Variants in RFX3 observed in about 807,000 individuals in gnomAD.
RFX3 encodes regulatory factor X3, also known as transcription factor RFX3.
A neutral mutation model predicts 98.6 loss-of-function variants in RFX3; 14 were observed. That is an observed-to-expected ratio of 0.14 (90% CI 0.09 to 0.22). The LOEUF is 0.22. Among genes scored for constraint, RFX3 ranks in the 10% least tolerant of loss-of-function variants. The pLI, the probability that RFX3 is intolerant of heterozygous loss-of-function variation, is 1.00. For synonymous variants in RFX3, 383 were observed against 328.4 expected (o/e 1.17, Z -1.80); for missense variants, 639 against 926.9 (o/e 0.69, Z 4.03).
chr9:3,342,548 T>C (rs972520937), intron 3 of RFX3, among the ~76,000 whole-genome samples: 1 of 152,198 alleles, frequency 6.6e-6, no homozygotes, highest in African/African-American at 2.4e-5. Flanking sequence ...AAATAAAGAT[T>C]TCTTAATTTG....
intron 3 of RFX3, among the ~76,000 whole-genome samples, chr9:3,334,823 T>A (rs764699241): frequency 1.3e-5 from 2 of 152,116 alleles, no homozygotes; most frequent in Non-Finnish European, 2.9e-5. Context: ...AGGCTGATTA[T>A]AATATCCTTA....
At chr9:3,319,745 T>G (rs934022552) in intron 4 of RFX3, among the ~76,000 whole-genome samples, 2 of 152,054 alleles carry the variant, frequency 1.3e-5, no homozygotes, top group African/African-American at 4.8e-5. Flanking sequence ...TACCTTTCAG[T>G]GCAGGAACTA....
At chr9:3,464,942 A>G (rs1191882509) in intron 1 of RFX3, among the ~76,000 whole-genome samples, 2 of 152,208 alleles carry the variant, frequency 1.3e-5, no homozygotes, top group Admixed American at 1.3e-4. Context: ...TTATCGGTGG[A>G]AAGGTAAGTG....
At chr9:3,280,217 G>C (rs1013885325) in intron 7 of RFX3, among the ~76,000 whole-genome samples, 1 of 151,742 alleles carries the variant, frequency 6.6e-6, no homozygotes, top group Non-Finnish European at 1.5e-5. Flanking sequence ...CCTGGGAAAA[G>C]GTCTAGGGAC....
At chr9:3,296,924 T>C (rs995392918) in intron 5 of RFX3, among the ~76,000 whole-genome samples, 1 of 152,072 alleles carries the variant, frequency 6.6e-6, no homozygotes, top group African/African-American at 2.4e-5. Flanking sequence ...GATTATAATC[T>C]CCATCCTATA....
At chr9:3,331,515 C>T (rs1832598018) in intron 3 of RFX3, among the ~76,000 whole-genome samples, 1 of 152,098 alleles carries the variant, frequency 6.6e-6, no homozygotes, top group Non-Finnish European at 1.5e-5. Context: ...TTCAACGCCA[C>T]CTCCTAAAGC....
In RFX3 at chr9:3,329,407, C is replaced by CAAA. The variant is rs1202028884; in HGVS notation, c.474+849_474+851dup. Among the ~76,000 whole-genome samples, 102 of 37,986 alleles carry CAAA rather than the reference C, an allele frequency of 2.7e-3. 5 individuals carry two copies. Among genetic ancestry groups the CAAA allele is most frequent in the African/African-American group, 4.5e-3 (34 of 7,508 alleles). The allele number at this position is 37,986 out of a possible 152,430, so 24.9% of individuals were successfully genotyped here. On this transcript the variant is annotated intron_variant, in intron 4 of 16. Coordinates refer to ENST00000617270, the MANE Select transcript of RFX3 (RefSeq NM_001282116.2). ...TGGGCCACAGAGTAAGACTTCATCTCAAAAAAAAAAAAAAAAAAAAACAAA... is the reference window on the plus strand; with the variant it reads ...TGGGCCACAGAGTAAGACTTCATCTCAAAAAAAAAAAAAAAAAAAAAAAACAAA...
At chr9:3,357,327 C>T (rs569860267) in intron 2 of RFX3, among the ~76,000 whole-genome samples, 2 of 152,058 alleles carry the variant, frequency 1.3e-5, no homozygotes, top group Non-Finnish European at 2.9e-5. Flanking sequence ...GTTTTCTCTA[C>T]ATAAATTATC....
In RFX3 at chr9:3,225,152, T is replaced by G. The variant is rs1563761643; in HGVS notation, c.2140A>C (p.Thr714Pro). ...TTCAGGAGGCTTGGTTGCACGCCAG[T>G]CTCGAGAACAGGCTGCATGCAGCCC... ...PVGCMQPVLE[T>P]GVQPSLLNPI... The change falls in exon 17 of 17, where the codon ACT (threonine) becomes CCT (proline). Residue 714 changes from threonine to proline, a missense_variant. Physicochemically the swap from Thr to Pro is conservative, Grantham distance 38. Coordinates refer to ENST00000617270, the MANE Select transcript of RFX3 (RefSeq NM_001282116.2). The G allele has an allele frequency of 6.2e-7, 1 of 1,613,982 alleles. No individual in the cohort carries two copies. The highest frequency in any genetic ancestry group is 2.2e-5 in the East Asian group (1 of 44,866).
intron 15 of RFX3, chr9:3,247,755 G>A: frequency 6.4e-7 from 1 of 1,564,254 alleles, no homozygotes; most frequent in Non-Finnish European, 8.6e-7. Flanking sequence ...TATTCCAGTG[G>A]TTCTCAAGTT....
rs375507034 is a variant in RFX3 at position 3,416,617 on chromosome 9, T to G, written c.-8-21021A>C. ...CCATTGTCCCTGGTGCTGTTGAGAA[T>G]CACTGGCTTTTCTTACCCTATACAT... On this transcript the variant is annotated intron_variant, in intron 1 of 16. Coordinates refer to ENST00000617270, the MANE Select transcript of RFX3 (RefSeq NM_001282116.2). Among the ~76,000 whole-genome samples, 35 of 152,326 alleles carry G rather than the reference T, an allele frequency of 2.3e-4. 2 individuals carry two copies. The highest frequency in any genetic ancestry group is 6.8e-3 in the Middle Eastern group (2 of 294).
At chr9:3,400,806 A>T (rs1841403857) in intron 1 of RFX3, among the ~76,000 whole-genome samples, 1 of 152,230 alleles carries the variant, frequency 6.6e-6, no homozygotes, top group Admixed American at 6.5e-5. Flanking sequence ...TCTTCAGAAG[A>T]ACCCCCTGAT....
chr9:3,285,093 T>G (rs1438460004), intron 7 of RFX3, among the ~76,000 whole-genome samples: 2 of 151,750 alleles, frequency 1.3e-5, no homozygotes, highest in African/African-American at 4.8e-5. Flanking sequence ...ACAATTGAGC[T>G]CCAAAAGTTA....
intron 2 of RFX3, among the ~76,000 whole-genome samples, chr9:3,347,401 A>G (rs1834566856): frequency 6.6e-6 from 1 of 152,186 alleles, no homozygotes; most frequent in Admixed American, 6.5e-5. Flanking sequence ...ATTTTTTTAA[A>G]TTAAGAACAA....
intron 1 of RFX3, among the ~76,000 whole-genome samples, chr9:3,493,555 G>A (rs1042740280): frequency 1.3e-5 from 2 of 151,224 alleles, no homozygotes; most frequent in Admixed American, 1.3e-4. Flanking sequence ...GTGGTGGCAC[G>A]CGCCTGTATT....
intron 12 of RFX3, among the ~76,000 whole-genome samples, chr9:3,265,307 C>A (rs1823482419): frequency 6.6e-6 from 1 of 152,134 alleles, no homozygotes; most frequent in Admixed American, 6.6e-5. Flanking sequence ...AATATGGGCA[C>A]ATCAATGAAA....
chr9:3,277,532 C>T, intron 7 of RFX3, 71 bp from the exon 8 acceptor site: 1 of 1,339,422 alleles, frequency 7.5e-7, no homozygotes, highest in Non-Finnish European at 1.1e-6. Flanking sequence ...CCCGAAACTC[C>T]CAAAGCATTC....
intron 3 of RFX3, among the ~76,000 whole-genome samples, chr9:3,338,967 C>T (rs71506636): frequency 0.17 from 26,313 of 151,678 alleles, 2,321 homozygotes; most frequent in Middle Eastern, 0.22. Flanking sequence ...CGTGTGGCTG[C>T]AGTCCCAGCT....
chr9:3,308,337 C>T (rs915570471), intron 4 of RFX3, among the ~76,000 whole-genome samples: 3 of 152,086 alleles, frequency 2.0e-5, no homozygotes, highest in African/African-American at 7.2e-5. Flanking sequence ...TGGGAACCCT[C>T]CATTCAGTGC....
Sources: allele counts gnomAD v4.1 joint callset (sites outside exome capture counted in the v4.1 genomes callset), GRCh38; gene constraint gnomAD v4.1.1; transcripts MANE v1.5; gene names NCBI Gene and HGNC (gene_info 2026-07-23, HGNC 2026-07-21).